Variants in PTCHD1 observed in about 807,000 individuals in gnomAD.
The protein encoded by PTCHD1 is patched domain containing 1.
Under a neutral mutation model 34.6 loss-of-function variants are expected in PTCHD1, and 3 were observed. The ratio of observed to expected loss-of-function variants is 0.09; its 90% CI spans 0.04 to 0.22. The LOEUF (loss-of-function observed/expected upper bound fraction) is 0.22. PTCHD1 is among the 10% of genes least tolerant of loss of function. PTCHD1 has a pLI of 1.00. For synonymous variants in PTCHD1, 305 were observed against 283.1 expected, an observed-to-expected ratio of 1.08 and a Z score of -0.77; for missense variants, 504 against 685.5, an observed-to-expected ratio of 0.74 and a Z score of 2.96.
At position 23,389,285 on chromosome X, in the gene PTCHD1, C is replaced by T. The variant is rs370021452; in HGVS notation, c.1013-3246C>T. On this transcript the variant is annotated intron_variant, in intron 2 of 2. Coordinates refer to ENST00000379361, the MANE Select transcript of PTCHD1 (RefSeq NM_173495.3). ...CAGGCCAGAACACAAGAGTCCTCAC[C>T]GATGGCCTTTCCTATAGGATAACAG... Among the ~76,000 whole-genome samples, 23 of 111,702 alleles carry T rather than the reference C, an allele frequency of 2.1e-4. No homozygotes were observed. In the East Asian group the frequency reaches 4.8e-3, roughly 23 times the overall value.
chrX:23,370,171 T>C (rs1922239426), intron 1 of PTCHD1, among the ~76,000 whole-genome samples: 1 of 111,988 alleles, frequency 8.9e-6, no homozygotes, highest in African/African-American at 3.2e-5. Flanking sequence ...ATGGGTACTA[T>C]TATTGGCCCC....
Position 23,403,592 on chromosome X carries a change from G to A in PTCHD1, c.*9407G>A, listed in dbSNP as rs1216430861. 1 of 111,379 alleles carries A rather than the reference G, an allele frequency of 9.0e-6. No homozygotes were observed. 9.2% of individuals were successfully genotyped at this position (111,379 alleles called of 1,213,427 possible). Reference sequence around the variant, plus strand: ...CTCTAATTTTTACCGAAAGTCAAGAGACACACAGATCTTTTTTGGTACCCT... The same window carrying A: ...CTCTAATTTTTACCGAAAGTCAAGAAACACACAGATCTTTTTTGGTACCCT... On this transcript the variant is annotated 3_prime_UTR_variant, in exon 3 of 3. Transcript: ENST00000379361.
chrX:23,394,036 G>T lies in PTCHD1; in HGVS notation c.2518G>T (p.Ala840Ser). 8.3e-7 allele frequency: 1 copy of T among 1,210,091 alleles called. No individual in the cohort carries two copies. The highest frequency in any genetic ancestry group is 1.1e-6 in the Non-Finnish European group (1 of 894,863). ...ATTTGTCACCTTCTTTCACTGCTTTGCCATTTTACCTGTGATACTGACTTT... is the reference window on the plus strand; with the variant it reads ...ATTTGTCACCTTCTTTCACTGCTTTTCCATTTTACCTGTGATACTGACTTT... ...IAFVTFFHCF[A>S]ILPVILTFLP... The change falls in exon 3 of 3, where the codon GCC (alanine) becomes TCC (serine). Residue 840 changes from alanine to serine, a missense_variant. Transcript: ENST00000379361.
intron 2 of PTCHD1, among the ~76,000 whole-genome samples, chrX:23,380,902 G>A (rs925431416): frequency 2.7e-5 from 3 of 111,283 alleles, no homozygotes; most frequent in South Asian, 3.8e-4. Flanking sequence ...TGCTCCTGCA[G>A]CACACTCCTG....
At position 23,401,678 on chromosome X, in the gene PTCHD1, T is replaced by C. The variant is rs1487724312; in HGVS notation, c.*7493T>C. The C allele has an allele frequency of 3.5e-5, 4 of 113,215 alleles. No homozygotes were observed. Among genetic ancestry groups the C allele is most frequent in the Non-Finnish European group, 7.5e-5 (4 of 53,422 alleles). 9.3% of individuals were successfully genotyped at this position (113,215 alleles called of 1,213,427 possible). A position where few individuals can be genotyped will look rare whatever the true frequency, so the allele number is the denominator to read the frequency against. On this transcript the variant is annotated 3_prime_UTR_variant, in exon 3 of 3. Coordinates refer to ENST00000379361, the MANE Select transcript of PTCHD1 (RefSeq NM_173495.3). ...ACCTTTTACAATATGCCTGACACAT[T>C]TGAGGCACATTAAAATGCCTTGGCA...
chrX:23,377,196 T>C (rs762797648), intron 1 of PTCHD1, among the ~76,000 whole-genome samples: 1 of 112,338 alleles, frequency 8.9e-6, no homozygotes, highest in East Asian at 2.8e-4. Flanking sequence ...TAGTAATCAC[T>C]TTAAGGGAGA....
At chrX:23,360,838 G>T (rs376160597) in intron 1 of PTCHD1, among the ~76,000 whole-genome samples, 26 of 112,139 alleles carry the variant, frequency 2.3e-4, no homozygotes, top group Middle Eastern at 4.6e-3. Context: ...CAGACATTCT[G>T]GTTTGTTGTG....
At chrX:23,362,851 T>C (rs1236414039) in intron 1 of PTCHD1, among the ~76,000 whole-genome samples, 1 of 112,682 alleles carries the variant, frequency 8.9e-6, no homozygotes, top group Non-Finnish European at 1.9e-5. Flanking sequence ...TGTTATTCCT[T>C]TCTGTTTGTT....
In PTCHD1 at chrX:23,400,038, C is replaced by T. The variant is rs1305480566; in HGVS notation, c.*5853C>T. 8.9e-6 allele frequency: 1 copy of T among 111,905 alleles called. No homozygotes were observed. Among genetic ancestry groups the T allele is most frequent in the African/African-American group, 3.3e-5 (1 of 30,748 alleles). The allele number at this position is 111,905 out of a possible 1,213,427, so 9.2% of individuals were successfully genotyped here. On this transcript the variant is annotated 3_prime_UTR_variant, in exon 3 of 3. Transcript: ENST00000379361. ...TTAGAAGGCCTGCTCCCAAATGAGCCCTACTCTGAGATGTCTACACCAGGC... is the reference window on the plus strand; with the variant it reads ...TTAGAAGGCCTGCTCCCAAATGAGCTCTACTCTGAGATGTCTACACCAGGC...
intron 1 of PTCHD1, among the ~76,000 whole-genome samples, chrX:23,356,736 G>A (rs1569134980): frequency 1.8e-5 from 2 of 112,065 alleles, no homozygotes; most frequent in African/African-American, 6.5e-5. Flanking sequence ...CTATGACAAC[G>A]CCACTAGACA....
intron 1 of PTCHD1, among the ~76,000 whole-genome samples, chrX:23,369,187 T>C (rs1223151595): frequency 1.8e-5 from 2 of 112,224 alleles, no homozygotes; most frequent in Non-Finnish European, 3.8e-5. Context: ...TTGTCATTGG[T>C]GATGGGCTTG....
At chrX:23,351,480 T>C (rs1323899959) in intron 1 of PTCHD1, 1 of 486,462 alleles carries the variant, frequency 2.1e-6, no homozygotes, top group Admixed American at 2.6e-5. Context: ...TTTAATGGAT[T>C]CTGAAATTTG....
At chrX:23,359,388 G>A (rs1216538096) in intron 1 of PTCHD1, among the ~76,000 whole-genome samples, 1 of 111,608 alleles carries the variant, frequency 9.0e-6, no homozygotes, top group East Asian at 2.8e-4. Flanking sequence ...GGATTCCTAG[G>A]TGTTTTATTC....
intron 1 of PTCHD1, among the ~76,000 whole-genome samples, chrX:23,362,055 C>T (rs1473830366): frequency 2.7e-5 from 3 of 112,069 alleles, no homozygotes; most frequent in East Asian, 2.8e-4. Flanking sequence ...GTGGGTAACC[C>T]GACCTTTCTC....
chrX:23,351,383 A>G, intron 1 of PTCHD1: 1 of 673,203 alleles, frequency 1.5e-6, no homozygotes, highest in Non-Finnish European at 2.4e-6. Context: ...ATTCTGCAAA[A>G]TATGTTTCTG....
Position 23,393,275 on chromosome X carries a change from C to G in PTCHD1, c.1757C>G (p.Ser586Cys). The part of the protein sequence containing the change: ...LEYTKGFVRI[S>C]WFESYLNYLR... ...TACACCAAGGGGTTTGTGCGGATAT[C>G]CTGGTTTGAGAGCTATTTAAATTAC... The change falls in exon 3 of 3, where the codon TCC (serine) becomes TGC (cysteine). Residue 586 changes from serine to cysteine, a missense_variant. By Grantham distance (112) the Ser-to-Cys change is moderately radical (BLOSUM62 -1). Transcript: ENST00000379361. 8.3e-7 allele frequency: 1 copy of G among 1,211,298 alleles called. No individual in the cohort carries two copies. Among genetic ancestry groups the G allele is most frequent in the Non-Finnish European group, 1.1e-6 (1 of 895,022 alleles).
chrX:23,345,007 T>G (rs1921438178), intron 1 of PTCHD1, among the ~76,000 whole-genome samples: 1 of 112,073 alleles, frequency 8.9e-6, no homozygotes, highest in East Asian at 2.8e-4. Context: ...GTCATCAGAA[T>G]TGCCAGAGAT....
At position 23,335,245 on chromosome X, in the gene PTCHD1, G is replaced by T. The variant is rs1170792772; in HGVS notation, c.351+19G>T. The T allele has an allele frequency of 2.6e-6, 3 of 1,164,771 alleles. No homozygotes were observed. The Admixed American group carries it at 6.5e-5, about 25-fold the overall frequency. On this transcript the variant is annotated intron_variant, in intron 1 of 2. Transcript: ENST00000379361. ...CTTAAAGGTGAGAGGGGACGGGTGC[G>T]GGCAGACTCCGCCAGCGCCGCGGCC...
In PTCHD1 at chrX:23,397,026, G is replaced by C. The variant is rs1281510888; in HGVS notation, c.*2841G>C. On this transcript the variant is annotated 3_prime_UTR_variant, in exon 3 of 3. Transcript: ENST00000379361. The stretch of plus-strand genomic sequence containing the variant: ...GAAAAATTGATCCCTGCAAACACTT[G>C]AAGAAGCTGTGTTTTTTTTCTTTCA... 4 of 111,853 alleles carry C rather than the reference G, an allele frequency of 3.6e-5. No individual in the cohort carries two copies. Among genetic ancestry groups the C allele is most frequent in the Non-Finnish European group, 7.5e-5 (4 of 53,197 alleles). The allele number at this position is 111,853 out of a possible 1,213,427, so 9.2% of individuals were successfully genotyped here.
Sources: gnomAD v4.1 joint callset for allele counts (sites outside exome capture counted in the v4.1 genomes callset) on GRCh38, gnomAD v4.1.1 for gene constraint, MANE v1.5 for transcripts, NCBI Gene and HGNC (gene_info 2026-07-23, HGNC 2026-07-21) for gene names.